ITGA6: variants seen among roughly 807,000 people sequenced by gnomAD.
ITGA6 encodes the protein integrin alpha-6.
Under a neutral mutation model 133.6 loss-of-function variants are expected in ITGA6, and 63 were observed. That is an observed-to-expected ratio of 0.47 (90% CI 0.38 to 0.58). ITGA6 has a LOEUF of 0.58. Ranked by LOEUF, ITGA6 falls within the 20% of genes least tolerant of loss-of-function variation. The pLI, the probability that ITGA6 is intolerant of heterozygous loss-of-function variation, is 0.00. For missense variants in ITGA6, 1,068 were observed against 1,309.4 expected (o/e 0.82, Z 2.85); for synonymous variants, 434 against 482.0 (o/e 0.90, Z 1.30).
rs1684064384 is a variant in ITGA6, at chr2:172,430,555, G to C, written c.182+2585G>C. On this transcript the variant is annotated intron_variant, in intron 1 of 25. Transcript: ENST00000684293. ...GTCAGATAAAAGCACGATCATAGAA[G>C]ACCTATCATAAATGTTTGTAGTTCA... 2.6e-5 allele frequency among the ~76,000 whole-genome samples: 4 copies of C among 152,282 alleles called. No individual in the cohort carries two copies. The South Asian group carries it at 8.3e-4, about 32-fold the overall frequency.
intron 2 of ITGA6, among the ~76,000 whole-genome samples, chr2:172,466,801 G>T (rs999318144): frequency 2.9e-4 from 44 of 152,136 alleles, no homozygotes; most frequent in African/African-American, 9.7e-4. Context: ...TTTTTGTAAT[G>T]ATTCAAGATT....
intron 8 of ITGA6, 76 bp from the exon 9 acceptor site, chr2:172,476,319 T>G (rs949229347): frequency 1.2e-6 from 1 of 833,300 alleles, no homozygotes; most frequent in East Asian, 2.4e-5. Context: ...AAGAAACTTG[T>G]GTGTCTTTTT....
At position 172,505,424 on chromosome 2, in the gene ITGA6, T is replaced by C. The variant is rs375184474; in HGVS notation, c.*1356T>C. On this transcript the variant is annotated 3_prime_UTR_variant, in exon 26 of 26. Coordinates refer to ENST00000684293, the MANE Select transcript of ITGA6 (RefSeq NM_000210.4). Reference sequence around the variant, plus strand: ...ACAGTTAATCAGTGAGTCGATGTTCTATTTTTTGTTTTGTTTCCTCCCCTA... The same window carrying C: ...ACAGTTAATCAGTGAGTCGATGTTCCATTTTTTGTTTTGTTTCCTCCCCTA... 18 of 152,352 alleles carry C rather than the reference T, an allele frequency of 1.2e-4. 2 individuals carry two copies. Among genetic ancestry groups the C allele is most frequent in the African/African-American group, 4.3e-4 (18 of 41,580 alleles). 9.4% of individuals were successfully genotyped at this position (152,352 alleles called of 1,614,324 possible). A position where few individuals can be genotyped will look rare whatever the true frequency, so the allele number is the denominator to read the frequency against.
chr2:172,436,584 C>G (rs1256171144), intron 1 of ITGA6, among the ~76,000 whole-genome samples: 1 of 152,150 alleles, frequency 6.6e-6, no homozygotes, highest in Non-Finnish European at 1.5e-5. Context: ...GCTCTGTAAG[C>G]TCATTTATTT....
intron 5 of ITGA6, among the ~76,000 whole-genome samples, chr2:172,471,363 C>T (rs1268045198): frequency 6.6e-6 from 1 of 152,208 alleles, no homozygotes; most frequent in Non-Finnish European, 1.5e-5. Context: ...GTCCTCCCTC[C>T]TGCTCAGAAG....
intron 11 of ITGA6, among the ~76,000 whole-genome samples, chr2:172,480,328 C>G (rs1329059754): frequency 1.3e-5 from 2 of 152,034 alleles, no homozygotes; most frequent in African/African-American, 4.8e-5. Context: ...CAACCATTTC[C>G]TCCATTTCTG....
rs1686603036 is a variant in ITGA6 at position 172,485,010 on chromosome 2, G to A, written c.1710+68G>A. 6 of 1,598,244 alleles carry A rather than the reference G, an allele frequency of 3.8e-6. No individual in the cohort carries two copies. In the East Asian group the frequency reaches 8.9e-5, roughly 24 times the overall value. ...GAAAAAGGTTATATGGTGATATACA[G>A]ATTTCTGAAATTTATTCTGGCAACC... On this transcript the variant is annotated intron_variant, in intron 12 of 25. Coordinates refer to ENST00000684293, the MANE Select transcript of ITGA6 (RefSeq NM_000210.4).
chr2:172,444,583 T>TCCCCGCC (rs973447288), intron 1 of ITGA6, among the ~76,000 whole-genome samples: 4 of 134,580 alleles, frequency 3.0e-5, no homozygotes, highest in Non-Finnish European at 4.7e-5. Context: ...TATTCCAAAA[T>TCCCCGCC]CCCCGCCCCC....
rs1318098460 is a variant in ITGA6, at chr2:172,475,463, C to CA, written c.1181-126dup. The CA allele has an allele frequency of 4.6e-4, 320 of 697,204 alleles. 1 individual carries two copies. The highest frequency in any genetic ancestry group is 1.5e-3 in the South Asian group (94 of 62,986). 43.2% of individuals were successfully genotyped at this position (697,204 alleles called of 1,614,324 possible). On this transcript the variant is annotated intron_variant, in intron 7 of 25. Transcript: ENST00000684293. ...GGGCAACAGGAGCGAAACTCCATCT[C>CA]AAAAAAAACAAAAAAAAACCCCGAA... is the stretch of plus-strand genomic sequence containing the variant.
At chr2:172,427,539 C>T (rs1183636122), upstream of ITGA6, 35 of 1,169,386 alleles carry the variant, frequency 3.0e-5, no homozygotes, top group Non-Finnish European at 3.6e-5. Flanking sequence ...AGGGGCGGGG[C>T]CGGCGTCCTC....
At chr2:172,427,469 G>A (rs1238286474), upstream of ITGA6, 5 of 1,072,828 alleles carry the variant, frequency 4.7e-6, no homozygotes, top group Non-Finnish European at 5.6e-6. Context: ...CAGAGCCGGC[G>A]GGTAAGGTGC....
chr2:172,427,391 C>A (rs1559106459), upstream of ITGA6: 3 of 1,016,498 alleles, frequency 3.0e-6, no homozygotes, highest in East Asian at 1.0e-4. Context: ...GGGGCTGCTT[C>A]GCCGCGAGCT....
chr2:172,450,905 A>ATATTTATATACAAATATATAT (rs1342501749), intron 1 of ITGA6, among the ~76,000 whole-genome samples: 3 of 146,896 alleles, frequency 2.0e-5, no homozygotes, highest in African/African-American at 7.4e-5. Context: ...ATATATATTT[A>ATATTTATATACAAATATATAT]TATTATATAT....
At chr2:172,472,857 A>G in intron 5 of ITGA6, 1 of 1,611,054 alleles carries the variant, frequency 6.2e-7, no homozygotes, top group Non-Finnish European at 8.5e-7. Flanking sequence ...GCAGCCTGAC[A>G]CATTCCCTGA....
chr2:172,500,587 G>A (rs1015714642), intron 24 of ITGA6, among the ~76,000 whole-genome samples: 54 of 152,184 alleles, frequency 3.5e-4, no homozygotes, highest in South Asian at 1.0e-3. Context: ...CCAAGATCGT[G>A]CCACTGCACT....
At chr2:172,484,972 T>A (rs1686600908) in intron 12 of ITGA6, 30 bp downstream of exon 12, 1 of 1,611,362 alleles carries the variant, frequency 6.2e-7, no homozygotes, top group South Asian at 1.1e-5. Context: ...ACATCTGTTT[T>A]ATGAAGAGGA....
intron 1 of ITGA6, among the ~76,000 whole-genome samples, chr2:172,437,277 G>T (rs1246663259): frequency 6.6e-6 from 1 of 152,234 alleles, no homozygotes; most frequent in African/African-American, 2.4e-5. Context: ...TGAGGACAAA[G>T]ATAGAAGTAA....
chr2:172,483,731 G>T (rs1686546505), intron 11 of ITGA6, among the ~76,000 whole-genome samples: 2 of 152,190 alleles, frequency 1.3e-5, no homozygotes, highest in African/African-American at 2.4e-5. Context: ...AGGCAGTTTG[G>T]TTGTGGGAGC....
chr2:172,471,708 C>T (rs1368945233), intron 5 of ITGA6, among the ~76,000 whole-genome samples: 1 of 152,042 alleles, frequency 6.6e-6, no homozygotes, highest in Non-Finnish European at 1.5e-5. Context: ...GTCTAAGGGC[C>T]AATTCTTAAC....
Sources: gnomAD v4.1 joint callset for allele counts (sites outside exome capture counted in the v4.1 genomes callset) on GRCh38, gnomAD v4.1.1 for gene constraint, MANE v1.5 for transcripts, NCBI Gene and HGNC (gene_info 2026-07-23, HGNC 2026-07-21) for gene names.